NUBPL: variants seen among roughly 807,000 people sequenced by gnomAD.
NUBPL encodes the protein NUBP iron-sulfur cluster assembly factor, mitochondrial, also known as iron-sulfur cluster transfer protein NUBPL.
NUBPL carries 31 observed loss-of-function variants against 45.7 expected under a neutral mutation model. The ratio of observed to expected loss-of-function variants is 0.68; its 90% CI spans 0.51 to 0.92. The LOEUF (loss-of-function observed/expected upper bound fraction) is 0.92. NUBPL is among the 40% of genes least tolerant of loss of function. NUBPL has a pLI of 0.00. For missense variants in NUBPL, 401 were observed against 398.7 expected (o/e 1.01, Z -0.05); for synonymous variants, 144 against 140.9 (o/e 1.02, Z -0.15).
At chr14:31,690,498 AATGT>A (rs1032704559) in intron 6 of NUBPL, among the ~76,000 whole-genome samples, 3 of 152,130 alleles carry the variant, frequency 2.0e-5, no homozygotes, top group African/African-American at 7.2e-5. Flanking sequence ...CAACATCTTT[AATGT>A]ATCCTCTAGA....
chr14:31,691,404 G>A (rs1232763270), intron 6 of NUBPL, among the ~76,000 whole-genome samples: 1 of 152,236 alleles, frequency 6.6e-6, no homozygotes, highest in African/African-American at 2.4e-5. Context: ...CTGATCAACA[G>A]CAGGGTATTA....
In NUBPL at chr14:31,850,210, C is replaced by T. The variant is rs768579986; in HGVS notation, c.897+9C>T. The T allele has an allele frequency of 6.2e-7, 1 of 1,603,936 alleles. No homozygotes were observed. The highest frequency in any genetic ancestry group is 8.5e-7 in the Non-Finnish European group (1 of 1,170,900). The stretch of plus-strand genomic sequence containing the variant: ...AGCCTGAAAGTGATGAGGTAAGTTC[C>T]ATTTTTGGATACATATTTTTATTTC... On this transcript the variant is annotated intron_variant, in intron 10 of 10. Transcript: ENST00000281081.
intron 7 of NUBPL, among the ~76,000 whole-genome samples, chr14:31,825,703 A>G (rs1352272431): frequency 9.9e-6 from 1 of 100,860 alleles, no homozygotes; most frequent in African/African-American, 3.9e-5. Flanking sequence ...TTTCTTCTTC[A>G]TCTTCCTCTT....
chr14:31,636,059 T>G (rs1173142369), intron 4 of NUBPL, among the ~76,000 whole-genome samples: 2 of 151,320 alleles, frequency 1.3e-5, no homozygotes, highest in African/African-American at 4.8e-5. Flanking sequence ...GACTTCCTCT[T>G]TTCCTAATTG....
At chr14:31,715,844 G>T (rs906145926) in intron 6 of NUBPL, among the ~76,000 whole-genome samples, 1 of 152,112 alleles carries the variant, frequency 6.6e-6, no homozygotes, top group Non-Finnish European at 1.5e-5. Flanking sequence ...ATCTGCCTTA[G>T]CTTACTGTAA....
chr14:31,815,098 A>C (rs955398476), intron 7 of NUBPL, among the ~76,000 whole-genome samples: 1 of 152,176 alleles, frequency 6.6e-6, no homozygotes, highest in African/African-American at 2.4e-5. Context: ...CTTGATGGGG[A>C]TAGCATTGAA....
At chr14:31,592,486 G>A (rs2034168142) in intron 3 of NUBPL, among the ~76,000 whole-genome samples, 1 of 152,046 alleles carries the variant, frequency 6.6e-6, no homozygotes. Context: ...GCTGGGGTGA[G>A]GTTGTCAGAT....
chr14:31,660,041 A>T (rs1446272862), intron 4 of NUBPL, among the ~76,000 whole-genome samples: 1 of 152,190 alleles, frequency 6.6e-6, no homozygotes, highest in African/African-American at 2.4e-5. Flanking sequence ...ATTAAGAGTA[A>T]TAGAAGCCAT....
chr14:31,644,322 T>C (rs1029858284), intron 4 of NUBPL, among the ~76,000 whole-genome samples: 2 of 152,134 alleles, frequency 1.3e-5, no homozygotes, highest in East Asian at 1.9e-4. Flanking sequence ...CTGTTTTTCC[T>C]GTACCGTAGA....
chr14:31,567,494 T>C (rs1291396298), intron 3 of NUBPL, among the ~76,000 whole-genome samples: 1 of 152,248 alleles, frequency 6.6e-6, no homozygotes, highest in Non-Finnish European at 1.5e-5. Context: ...TCTTTGTCTT[T>C]TGCTCTGTGT....
chr14:31,679,277 A>C (rs1378590955), intron 6 of NUBPL, among the ~76,000 whole-genome samples: 1 of 151,590 alleles, frequency 6.6e-6, no homozygotes, highest in East Asian at 2.0e-4. Flanking sequence ...TTTGGTTCTT[A>C]TGTAGGTTTT....
chr14:31,641,133 G>T (rs1184228246), intron 4 of NUBPL, among the ~76,000 whole-genome samples: 1 of 151,996 alleles, frequency 6.6e-6, no homozygotes, highest in African/African-American at 2.4e-5. Flanking sequence ...TGTATTTTTA[G>T]TGGAGACAGG....
intron 4 of NUBPL, among the ~76,000 whole-genome samples, chr14:31,610,608 C>CAAAAAAAAAAAAAA (rs775656176): frequency 7.5e-4 from 71 of 94,630 alleles, no homozygotes; most frequent in South Asian, 1.6e-3. Flanking sequence ...AAAGATACAT[C>CAAAAAAAAAAAAAA]AAAAAAAAAA....
At chr14:31,738,424 T>C (rs1282145730) in intron 6 of NUBPL, among the ~76,000 whole-genome samples, 2 of 152,220 alleles carry the variant, frequency 1.3e-5, no homozygotes, top group Admixed American at 6.5e-5. Context: ...CTCAGATACA[T>C]ATGACTGGGG....
At chr14:31,618,372 G>T (rs1306927558) in intron 4 of NUBPL, among the ~76,000 whole-genome samples, 3 of 152,118 alleles carry the variant, frequency 2.0e-5, no homozygotes, top group Non-Finnish European at 4.4e-5. Flanking sequence ...ATGTTAGGGT[G>T]TCAATTTTAG....
chr14:31,837,739 C>T (rs560822589), intron 8 of NUBPL, among the ~76,000 whole-genome samples: 59 of 152,000 alleles, frequency 3.9e-4, no homozygotes, highest in African/African-American at 1.4e-3. Flanking sequence ...GGCAAGAGAC[C>T]CGAGCAGGCA....
chr14:31,600,209 A>G (rs2034394093), intron 4 of NUBPL, among the ~76,000 whole-genome samples: 1 of 152,098 alleles, frequency 6.6e-6, no homozygotes, highest in African/African-American at 2.4e-5. Flanking sequence ...GGTGTGAGCC[A>G]CTACACCTGG....
chr14:31,566,860 G>A (rs1470174332), intron 3 of NUBPL, among the ~76,000 whole-genome samples: 1 of 152,104 alleles, frequency 6.6e-6, no homozygotes, highest in Non-Finnish European at 1.5e-5. Context: ...ACTAGTCAAG[G>A]AATGTAGTCA....
intron 2 of NUBPL, among the ~76,000 whole-genome samples, chr14:31,563,771 T>A (rs757330271): frequency 2.0e-5 from 3 of 152,212 alleles, no homozygotes; most frequent in Non-Finnish European, 4.4e-5. Context: ...CTAAAATGAA[T>A]TGCCCTCTGA....
Sources: gnomAD v4.1 joint callset for allele counts (sites outside exome capture counted in the v4.1 genomes callset) on GRCh38, gnomAD v4.1.1 for gene constraint, MANE v1.5 for transcripts, NCBI Gene and HGNC (gene_info 2026-07-23, HGNC 2026-07-21) for gene names.